Variants in SHPRH observed in about 807,000 individuals in gnomAD.
SHPRH encodes SNF2 histone linker PHD RING helicase.
In SHPRH, 106 loss-of-function variants were observed where a neutral mutation model predicts 202.5. The observed-to-expected ratio is 0.52, with a 90% confidence interval of 0.45 to 0.62. SHPRH has a LOEUF of 0.62. SHPRH is among the 20% of genes least tolerant of loss of function. The probability of loss-of-function intolerance (pLI) is 0.00; values close to 1 mark genes in which losing one functional copy is unlikely to be tolerated. For synonymous variants in SHPRH, 729 were observed against 686.0 expected, an observed-to-expected ratio of 1.06 and a Z score of -0.98; for missense variants, 1,710 against 2,020.0, an observed-to-expected ratio of 0.85 and a Z score of 2.94.
chr6:145,886,447 G>C lies in SHPRH; in HGVS notation c.*244C>G. The C allele has an allele frequency of 1.2e-6, 1 of 812,414 alleles. No individual in the cohort carries two copies. Among genetic ancestry groups the C allele is most frequent in the East Asian group, 2.5e-5 (1 of 40,790 alleles). 50.3% of individuals were successfully genotyped at this position (812,414 alleles called of 1,614,324 possible). ...GCATCATCAGATATAGATACTATTTGGGACAAAAAATAAATGTTTTATTAG... is the reference window on the plus strand; with the variant it reads ...GCATCATCAGATATAGATACTATTTCGGACAAAAAATAAATGTTTTATTAG... On this transcript the variant is annotated 3_prime_UTR_variant, in exon 30 of 30. Transcript: ENST00000275233.
chr6:145,870,405 G>C (rs1583256422), intron 2 of SHPRH, among the ~76,000 whole-genome samples: 1 of 151,726 alleles, frequency 6.6e-6, no homozygotes, highest in Non-Finnish European at 1.5e-5. Context: ...GGGACTACAG[G>C]CACCCACCAC....
In SHPRH at chr6:145,950,230, T is replaced by C; in HGVS notation, c.982+34A>G. On this transcript the variant is annotated intron_variant, in intron 4 of 29. Coordinates refer to ENST00000275233, the MANE Select transcript of SHPRH (RefSeq NM_001042683.3). ...ATTGTCTCTGATGTAATCTCTCTAA[T>C]CAATTGGACTTTCTTTAAACATCTT... is the stretch of plus-strand genomic sequence containing the variant. 1 of 1,584,654 alleles carries C rather than the reference T, an allele frequency of 6.3e-7. No individual in the cohort carries two copies. The highest frequency in any genetic ancestry group is 1.3e-5 in the African/African-American group (1 of 74,276).
intron 23 of SHPRH, chr6:145,917,232 T>C (rs1402740960): frequency 1.3e-5 from 2 of 152,164 alleles, no homozygotes; most frequent in African/African-American, 4.8e-5. Flanking sequence ...GCATTTTACA[T>C]GTATTAATTC....
intron 19 of SHPRH, 108 bp from the exon 20 acceptor site, chr6:145,922,456 C>A: frequency 7.7e-7 from 1 of 1,303,870 alleles, no homozygotes; most frequent in East Asian, 2.7e-5. Context: ...ACTAGATATG[C>A]CATTTTAGAA....
chr6:145,946,616 T>A (rs1249131274), intron 6 of SHPRH, among the ~76,000 whole-genome samples: 1 of 152,006 alleles, frequency 6.6e-6, no homozygotes, highest in Non-Finnish European at 1.5e-5. Context: ...AATATAAAAT[T>A]AACCCATTGA....
intron 23 of SHPRH, among the ~76,000 whole-genome samples, chr6:145,913,909 G>A (rs1783715504): frequency 6.6e-6 from 1 of 151,972 alleles, no homozygotes; most frequent in African/African-American, 2.4e-5. Flanking sequence ...TTTCAGATTA[G>A]GCATTTAAAC....
chr6:145,864,937 ACACACT>A (rs200773052), intron 2 of SHPRH, among the ~76,000 whole-genome samples: 21,697 of 137,686 alleles, frequency 0.16, 1,806 homozygotes, highest in East Asian at 0.2. Context: ...TTATAAACAC[ACACACT>A]CACACACACA....
chr6:145,892,710 G>T (rs1184708417), intron 28 of SHPRH, among the ~76,000 whole-genome samples: 2 of 151,940 alleles, frequency 1.3e-5, no homozygotes, highest in African/African-American at 2.4e-5. Flanking sequence ...TTTGCTTTGG[G>T]CCTTAAACTG....
At chr6:145,943,097 C>A in intron 9 of SHPRH, 46 bp downstream of exon 9, 1 of 1,515,410 alleles carries the variant, frequency 6.6e-7, no homozygotes. Context: ...CATGAAGAAG[C>A]AAAACTTTAC....
chr6:145,951,694 T>C (rs937112838), intron 3 of SHPRH: 1 of 422,886 alleles, frequency 2.4e-6, no homozygotes, highest in Non-Finnish European at 4.8e-6. Flanking sequence ...TTGCAAAGAA[T>C]GTACTAGAGA....
rs1197643403 is a variant in SHPRH at position 145,947,653 on chromosome 6, AAAACAAGAT to A, written c.1062-19_1062-11del. The A allele has an allele frequency of 1.2e-6, 2 of 1,611,476 alleles. No individual in the cohort carries two copies. Among genetic ancestry groups the A allele is most frequent in the African/African-American group, 1.3e-5 (1 of 74,732 alleles). On this transcript the variant is annotated splice_polypyrimidine_tract_variant and intron_variant, in intron 5 of 29. Coordinates refer to ENST00000275233, the MANE Select transcript of SHPRH (RefSeq NM_001042683.3). The stretch of plus-strand genomic sequence containing the variant: ...GTACTCACGAATGATGCTGAGGAAA[AAAACAAGAT>A]AAATCACATCATAGGAATGTGAATA...
At chr6:145,865,880 C>T (rs1779758463) in intron 2 of SHPRH, among the ~76,000 whole-genome samples, 1 of 152,168 alleles carries the variant, frequency 6.6e-6, no homozygotes, top group African/African-American at 2.4e-5. Flanking sequence ...CTTAAGGTGA[C>T]AAAAGAGCAC....
downstream of SHPRH, among the ~76,000 whole-genome samples, chr6:145,860,147 C>A (rs140006696): frequency 1.4e-3 from 209 of 152,100 alleles, 5 homozygotes; most frequent in East Asian, 0.035. Context: ...TCTCTCACCA[C>A]ATCTATTCAA....
At chr6:145,900,356 CT>C (rs1200592783) in intron 25 of SHPRH, among the ~76,000 whole-genome samples, 1 of 152,076 alleles carries the variant, frequency 6.6e-6, no homozygotes, top group African/African-American at 2.4e-5. Context: ...GAGATAACAT[CT>C]ATGTACCTGA....
At chr6:145,889,193 TA>T (rs1327817952) in intron 28 of SHPRH, among the ~76,000 whole-genome samples, 4 of 152,042 alleles carry the variant, frequency 2.6e-5, no homozygotes, top group African/African-American at 9.7e-5. Flanking sequence ...AAAAGCTACC[TA>T]AAGCCCTAAG....
chr6:145,912,686 G>C (rs1260226918), intron 24 of SHPRH, among the ~76,000 whole-genome samples: 1 of 151,874 alleles, frequency 6.6e-6, no homozygotes, highest in Non-Finnish European at 1.5e-5. Context: ...ACCAATCTTA[G>C]AAACCAAAAG....
intron 23 of SHPRH, among the ~76,000 whole-genome samples, chr6:145,916,845 C>T (rs1314656431): frequency 6.6e-6 from 1 of 152,016 alleles, no homozygotes; most frequent in East Asian, 1.9e-4. Flanking sequence ...TGCAATGGCG[C>T]AATCTCAGCT....
intron 25 of SHPRH, chr6:145,907,869 A>G (rs1324871076): frequency 6.6e-6 from 1 of 152,126 alleles, no homozygotes; most frequent in African/African-American, 2.4e-5. Flanking sequence ...TCCATGTGCC[A>G]TGGTAGTTTG....
chr6:145,881,968 T>A (rs538072851), downstream of SHPRH, among the ~76,000 whole-genome samples: 1 of 152,020 alleles, frequency 6.6e-6, no homozygotes, highest in African/African-American at 2.4e-5. Flanking sequence ...TGGTGGTGCA[T>A]GTCTGTAGTA....
Sources: allele counts gnomAD v4.1 joint callset (sites outside exome capture counted in the v4.1 genomes callset), GRCh38; gene constraint gnomAD v4.1.1; transcripts MANE v1.5; gene names NCBI Gene and HGNC (gene_info 2026-07-23, HGNC 2026-07-21).